The following DYNC2H1 variants were observed in gnomAD, a reference collection of about 807,000 sequenced individuals.
The protein encoded by DYNC2H1 is cytoplasmic dynein 2 heavy chain 1.
DYNC2H1 carries 410 observed loss-of-function variants against 570.0 expected under a neutral mutation model. The ratio of observed to expected loss-of-function variants is 0.72; its 90% confidence interval spans 0.66 to 0.78. DYNC2H1 has a LOEUF of 0.78. Ranked by LOEUF, DYNC2H1 falls within the 30% of genes least tolerant of loss-of-function variation. The pLI, the probability that DYNC2H1 is intolerant of heterozygous loss-of-function variation, is 0.00. For synonymous variants in DYNC2H1, 1,688 were observed against 1,677.6 expected, an observed-to-expected ratio of 1.01 and a Z score of -0.15; for missense variants, 4,865 against 5,046.4, an observed-to-expected ratio of 0.96 and a Z score of 1.09.
intron 54 of DYNC2H1, among the ~76,000 whole-genome samples, chr11:103,215,483 G>C (rs548172800): frequency 6.6e-6 from 1 of 152,048 alleles, no homozygotes; most frequent in African/African-American, 2.4e-5. Flanking sequence ...CATTCTCTGC[G>C]ATGCTTTAAA....
At chr11:103,115,353 A>G (rs1363302323) in intron 4 of DYNC2H1, 58 bp downstream of exon 4, 2 of 1,074,552 alleles carry the variant, frequency 1.9e-6, no homozygotes, top group African/African-American at 1.6e-5. Flanking sequence ...TTTGGGATTC[A>G]ATTTTTACAG....
chr11:103,166,610 A>G (rs953509993), intron 31 of DYNC2H1, among the ~76,000 whole-genome samples: 1 of 152,184 alleles, frequency 6.6e-6, no homozygotes, highest in African/African-American at 2.4e-5. Context: ...TCCTGGGTTA[A>G]CAATTCTTTT....
intron 79 of DYNC2H1, 139 bp from the exon 80 acceptor site, chr11:103,316,406 G>A: frequency 1.8e-6 from 1 of 547,302 alleles, no homozygotes. Flanking sequence ...GATTTATTAT[G>A]TGTTGGTTTT....
At chr11:103,220,329 A>T (rs1863538335) in intron 56 of DYNC2H1, among the ~76,000 whole-genome samples, 1 of 152,168 alleles carries the variant, frequency 6.6e-6, no homozygotes, top group Non-Finnish European at 1.5e-5. Context: ...CAGTTGATTA[A>T]ATTAGTCAGC....
At chr11:103,437,597 T>C (rs1234831730) in intron 85 of DYNC2H1, among the ~76,000 whole-genome samples, 1 of 152,132 alleles carries the variant, frequency 6.6e-6, no homozygotes, top group African/African-American at 2.4e-5. Flanking sequence ...CATCTTTCTG[T>C]CTATCTGCTG....
chr11:103,452,026 T>G (rs1015841216), intron 85 of DYNC2H1, among the ~76,000 whole-genome samples: 9 of 152,154 alleles, frequency 5.9e-5, no homozygotes, highest in African/African-American at 2.2e-4. Flanking sequence ...CCCCTTTTTT[T>G]CCTCATGTGA....
intron 70 of DYNC2H1, among the ~76,000 whole-genome samples, chr11:103,273,274 C>G (rs1197983631): frequency 6.6e-6 from 1 of 152,004 alleles, no homozygotes; most frequent in African/African-American, 2.4e-5. Context: ...ACTGCAACCT[C>G]TGCCTCCTGA....
intron 60 of DYNC2H1, 135 bp from the exon 61 acceptor site, chr11:103,233,899 G>T: frequency 4.7e-5 from 25 of 528,992 alleles, no homozygotes; most frequent in East Asian, 2.0e-4. Context: ...TTCTATTAAT[G>T]ATACTTTGTA....
chr11:103,286,493 A>G, intron 74 of DYNC2H1, 107 bp downstream of exon 74: 1 of 1,322,238 alleles, frequency 7.6e-7, no homozygotes, highest in East Asian at 2.4e-5. Flanking sequence ...TTTACCTTTA[A>G]TGGCGTATTT....
chr11:103,212,405 T>C (rs892285494), intron 54 of DYNC2H1, among the ~76,000 whole-genome samples: 4 of 151,790 alleles, frequency 2.6e-5, no homozygotes, highest in African/African-American at 9.7e-5. Context: ...AGAACTTATG[T>C]AAGCAAATAC....
At chr11:103,214,722 T>C (rs1483231676) in intron 54 of DYNC2H1, among the ~76,000 whole-genome samples, 1 of 151,722 alleles carries the variant, frequency 6.6e-6, no homozygotes, top group Non-Finnish European at 1.5e-5. Context: ...GGATTAGAGG[T>C]GTGAGCCACT....
At chr11:103,473,800 C>T (rs76662431) in intron 88 of DYNC2H1, among the ~76,000 whole-genome samples, 1,752 of 152,274 alleles carry the variant, frequency 0.012, 34 homozygotes, top group African/African-American at 0.04. Flanking sequence ...TTTATCAGCC[C>T]CACAGTAACA....
intron 82 of DYNC2H1, among the ~76,000 whole-genome samples, chr11:103,355,851 G>A (rs1352918173): frequency 6.6e-6 from 1 of 152,064 alleles, no homozygotes; most frequent in Non-Finnish European, 1.5e-5. Context: ...AGTTACAGGT[G>A]CACACCACCA....
intron 70 of DYNC2H1, among the ~76,000 whole-genome samples, chr11:103,263,132 GGA>G (rs1440576327): frequency 6.6e-6 from 1 of 151,946 alleles, no homozygotes; most frequent in African/African-American, 2.4e-5. Context: ...TATGGTAAAG[GGA>G]TCAATGCAAC....
intron 8 of DYNC2H1, 58 bp downstream of exon 8, chr11:103,120,860 A>AT: frequency 8.9e-7 from 1 of 1,121,984 alleles, no homozygotes; most frequent in Non-Finnish European, 1.2e-6. Flanking sequence ...TATATATAAA[A>AT]ATATATATAT....
chr11:103,260,922 A>ATT (rs5794217), intron 70 of DYNC2H1, among the ~76,000 whole-genome samples: 1 of 147,016 alleles, frequency 6.8e-6, no homozygotes, highest in Non-Finnish European at 1.5e-5. Flanking sequence ...CCCAGCCAGA[A>ATT]TTTTTTTTTT....
Position 103,209,341 on chromosome 11 carries a change from GA to G in DYNC2H1, c.8455-534del, listed in dbSNP as rs1268978166. ...AGGTTATCTTTACTTTAATAATAAT[GA>G]TATCTGCTTATGAAACTGTATTTGC... On this transcript the variant is annotated intron_variant, in intron 52 of 88. Coordinates refer to ENST00000375735, the MANE Select transcript of DYNC2H1 (RefSeq NM_001377.3). The surrounding 1 kb of genome is among the most constrained non-coding windows in gnomAD (Gnocchi z 4.2). Among the ~76,000 whole-genome samples, 1 of 151,614 alleles carries G rather than the reference GA, an allele frequency of 6.6e-6. No homozygotes were observed. The highest frequency in any genetic ancestry group is 1.9e-4 in the East Asian group (1 of 5,186).
intron 10 of DYNC2H1, among the ~76,000 whole-genome samples, 170 bp downstream of exon 10, chr11:103,121,666 A>G (rs1309675263): frequency 6.6e-6 from 1 of 152,220 alleles, no homozygotes; most frequent in East Asian, 1.9e-4. Flanking sequence ...AGGAGTCGTA[A>G]TGGTTCTATT....
intron 84 of DYNC2H1, among the ~76,000 whole-genome samples, chr11:103,435,646 AAATTT>A (rs1451341829): frequency 6.6e-6 from 1 of 152,104 alleles, no homozygotes; most frequent in Non-Finnish European, 1.5e-5. Context: ...TGAATTTGTC[AAATTT>A]AATTTGAGTT....
Sources: gnomAD v4.1 joint callset for allele counts (sites outside exome capture counted in the v4.1 genomes callset) on GRCh38, gnomAD v4.1.1 for gene constraint, Gnocchi (gnomAD v3.1) non-coding constraint, MANE v1.5 for transcripts, NCBI Gene and HGNC (gene_info 2026-07-23, HGNC 2026-07-21) for gene names.